HIF1A: variants seen among roughly 807,000 people sequenced by gnomAD.
HIF1A encodes the protein hypoxia-inducible factor 1-alpha.
HIF1A carries 24 observed loss-of-function variants against 92.7 expected under a neutral mutation model. The observed-to-expected ratio is 0.26, with a 90% CI of 0.19 to 0.36. The LOEUF (loss-of-function observed/expected upper bound fraction) is 0.36. Ranked by LOEUF, HIF1A falls within the 10% of genes least tolerant of loss-of-function variation. The pLI is 1.00. For missense variants in HIF1A, 799 were observed against 998.5 expected (o/e 0.80, Z 2.69); for synonymous variants, 319 against 338.7 (o/e 0.94, Z 0.64).
chr14:61,697,861 A>G (rs1210485987), intron 1 of HIF1A: 3 of 1,517,230 alleles, frequency 2.0e-6, no homozygotes, highest in Non-Finnish European at 2.6e-6. Flanking sequence ...ATGAGCTCCC[A>G]ATGTCGGAGT....
chr14:61,732,562 C>CT (rs2044589391), intron 7 of HIF1A, 38 bp downstream of exon 7: 1 of 1,287,734 alleles, frequency 7.8e-7, no homozygotes, highest in African/African-American at 1.5e-5. Flanking sequence ...ATTCTAATTA[C>CT]TTAACTGTTG....
At chr14:61,737,564 AT>A (rs1467530078) in intron 9 of HIF1A, among the ~76,000 whole-genome samples, 1 of 152,220 alleles carries the variant, frequency 6.6e-6, no homozygotes, top group Non-Finnish European at 1.5e-5. Context: ...CTTTTATGCC[AT>A]AGAGATTAAG....
chr14:61,737,506 A>G (rs1290516514), intron 9 of HIF1A, among the ~76,000 whole-genome samples: 1 of 152,226 alleles, frequency 6.6e-6, no homozygotes, highest in African/African-American at 2.4e-5. Context: ...CTGCAATTTT[A>G]AAGTAGAGAA....
chr14:61,709,075 T>G (rs1277922887), intron 1 of HIF1A, among the ~76,000 whole-genome samples: 2 of 152,102 alleles, frequency 1.3e-5, no homozygotes, highest in Admixed American at 1.3e-4. Context: ...TTTTGTATTT[T>G]TAGTAGAGAC....
intron 1 of HIF1A, among the ~76,000 whole-genome samples, chr14:61,718,341 T>C (rs2044386420): frequency 6.6e-6 from 1 of 152,180 alleles, no homozygotes; most frequent in Non-Finnish European, 1.5e-5. Context: ...ACCATCACTC[T>C]ATTTTAGAGG....
At chr14:61,702,340 T>TGAGGCAG (rs2044187570) in intron 1 of HIF1A, among the ~76,000 whole-genome samples, 1 of 148,506 alleles carries the variant, frequency 6.7e-6, no homozygotes, top group African/African-American at 2.5e-5. Context: ...ACTCGGAGGC[T>TGAGGCAG]GAGGCAGGAG....
intron 1 of HIF1A, among the ~76,000 whole-genome samples, chr14:61,720,109 C>A (rs1185188442): frequency 2.0e-5 from 3 of 152,206 alleles, no homozygotes; most frequent in African/African-American, 2.4e-5. Flanking sequence ...TCTCCAATTA[C>A]ATATGCTGGG....
At position 61,741,175 on chromosome 14, in the gene HIF1A, G is replaced by C; in HGVS notation, c.2080G>C (p.Ala694Pro). 6.3e-7 allele frequency: 1 copy of C among 1,595,596 alleles called. No individual in the cohort carries two copies. Among genetic ancestry groups the C allele is most frequent in the Non-Finnish European group, 8.5e-7 (1 of 1,172,724 alleles). ...HPRSPNVLSV[A>P]LSQRTTVPEE... ...AAGAAGCCCTAACGTGTTATCTGTC[G>C]CTTTGAGTCAAAGGTATTTATATGT... The change falls in exon 12 of 15, where the codon GCT becomes CCT. Residue 694 changes from alanine (A) to proline (P), a missense_variant. By Grantham distance (27) the Ala-to-Pro change is conservative. Around this residue, in one of 2 missense-constraint regions of HIF1A, gnomAD observed 283 missense variants for 277.5 expected, o/e 1.02. Coordinates refer to ENST00000337138, the MANE Select transcript of HIF1A (RefSeq NM_001530.4).
chr14:61,697,067 C>T (rs17834617), intron 1 of HIF1A, among the ~76,000 whole-genome samples: 2,609 of 152,302 alleles, frequency 0.017, 46 homozygotes, highest in Non-Finnish European at 0.025. Flanking sequence ...GGTTAGTAGA[C>T]TGGCTTTGCT....
In HIF1A at chr14:61,720,584, T is replaced by C. The variant is rs145427745; in HGVS notation, c.226+12T>C. 134 of 1,562,218 alleles carry C rather than the reference T, an allele frequency of 8.6e-5. 1 individual carries two copies. The East Asian group carries it at 3.0e-3, about 35-fold the overall frequency. On this transcript the variant is annotated intron_variant, in intron 2 of 14. Transcript: ENST00000337138. ...ACTTCTGGATGCTGGTGAGTTATTT[T>C]ACAAGGGTATAAATAGGCCTGAAAA...
At chr14:61,716,589 G>A (rs957834010) in intron 1 of HIF1A, among the ~76,000 whole-genome samples, 2 of 151,858 alleles carry the variant, frequency 1.3e-5, no homozygotes, top group Non-Finnish European at 2.9e-5. Flanking sequence ...CAATTATTTT[G>A]TGTCCTTTTA....
intron 1 of HIF1A, among the ~76,000 whole-genome samples, chr14:61,703,630 A>G (rs990145885): frequency 3.3e-5 from 5 of 152,090 alleles, no homozygotes; most frequent in South Asian, 2.1e-4. Flanking sequence ...ATAAAAAAAA[A>G]AAAAGTAAAA....
At chr14:61,705,665 G>T (rs2044230598) in intron 1 of HIF1A, among the ~76,000 whole-genome samples, 1 of 152,140 alleles carries the variant, frequency 6.6e-6, no homozygotes, top group African/African-American at 2.4e-5. Context: ...ATTAAAATGG[G>T]GAAAAGGGTG....
intron 4 of HIF1A, among the ~76,000 whole-genome samples, chr14:61,723,541 G>A (rs2044459654): frequency 6.6e-6 from 1 of 152,162 alleles, no homozygotes; most frequent in African/African-American, 2.4e-5. Context: ...ATTTCATATT[G>A]TGTTTTTACT....
chr14:61,731,891 CT>C (rs1432078191), intron 6 of HIF1A, among the ~76,000 whole-genome samples: 1 of 152,192 alleles, frequency 6.6e-6, no homozygotes, highest in Non-Finnish European at 1.5e-5. Context: ...AATCCCAGTA[CT>C]TTGGGAGGCC....
intron 1 of HIF1A, among the ~76,000 whole-genome samples, chr14:61,719,209 C>T (rs368896131): frequency 2.6e-5 from 4 of 152,116 alleles, no homozygotes; most frequent in Non-Finnish European, 4.4e-5. Flanking sequence ...TAGCATACTG[C>T]CCAATGCTCA....
intron 12 of HIF1A, among the ~76,000 whole-genome samples, chr14:61,742,011 T>A (rs911673914): frequency 1.3e-5 from 2 of 152,224 alleles, no homozygotes; most frequent in African/African-American, 4.8e-5. Flanking sequence ...TGTATTAAAG[T>A]TGCTTTTATT....
intron 9 of HIF1A, 57 bp from the exon 10 acceptor site, chr14:61,738,030 T>TGA: frequency 2.4e-6 from 3 of 1,231,974 alleles, no homozygotes; most frequent in Non-Finnish European, 2.2e-6. Flanking sequence ...CTGTCTTGGG[T>TGA]AAAAAAAAAA....
intron 6 of HIF1A, 79 bp from the exon 7 acceptor site, chr14:61,732,339 A>T: frequency 2.5e-6 from 2 of 799,164 alleles, no homozygotes; most frequent in Non-Finnish European, 4.3e-6. Context: ...AATGCCTATC[A>T]GTTAACTTGG....
Sources: gnomAD v4.1 joint callset for allele counts (sites outside exome capture counted in the v4.1 genomes callset) on GRCh38, gnomAD v4.1.1 for gene constraint, gnomAD v4.1.1 regional missense constraint, MANE v1.5 for transcripts, NCBI Gene and HGNC (gene_info 2026-07-23, HGNC 2026-07-21) for gene names.